The following PTPRD variants were observed in gnomAD, a reference collection of about 807,000 sequenced individuals.
PTPRD encodes the protein receptor-type tyrosine-protein phosphatase delta.
In PTPRD, 34 loss-of-function variants were observed where a neutral mutation model predicts 214.5. The observed-to-expected ratio is 0.16, with a 90% CI of 0.12 to 0.21. PTPRD has a LOEUF of 0.21. Among genes scored for constraint, PTPRD ranks in the 10% least tolerant of loss-of-function variants. PTPRD has a pLI of 1.00. For missense variants in PTPRD, 2,545 were observed against 2,398.7 expected, an observed-to-expected ratio of 1.06 and a Z score of -1.27; for synonymous variants, 1,128 against 845.7, an observed-to-expected ratio of 1.33 and a Z score of -5.79.
intron 14 of PTPRD, among the ~76,000 whole-genome samples, chr9:8,578,591 A>G (rs1470908832): frequency 6.6e-6 from 1 of 152,202 alleles, no homozygotes. Flanking sequence ...TCAGCCAGCT[A>G]TGACATAGAT....
intron 6 of PTPRD, among the ~76,000 whole-genome samples, chr9:9,756,822 C>A (rs1012092636): frequency 6.6e-5 from 10 of 152,120 alleles, no homozygotes; most frequent in African/African-American, 2.4e-4. Flanking sequence ...ATACTGCCTC[C>A]CATGTGGTTA....
At chr9:9,646,134 A>G (rs1383266278) in intron 7 of PTPRD, among the ~76,000 whole-genome samples, 1 of 152,174 alleles carries the variant, frequency 6.6e-6, no homozygotes, top group African/African-American at 2.4e-5. Context: ...TTGTGATAGT[A>G]TTCCCTCTGC....
chr9:9,545,516 G>T (rs996331220), intron 8 of PTPRD, among the ~76,000 whole-genome samples: 1 of 151,824 alleles, frequency 6.6e-6, no homozygotes, highest in African/African-American at 2.4e-5. Context: ...ACCTATTAAA[G>T]AACATCTTAA....
At chr9:9,678,641 G>T (rs574415366) in intron 7 of PTPRD, among the ~76,000 whole-genome samples, 2 of 151,644 alleles carry the variant, frequency 1.3e-5, no homozygotes, top group South Asian at 4.2e-4. Context: ...ACTATTCAGG[G>T]TTCTGTCTCG....
At chr9:10,025,685 A>ACCCACTTT (rs1353692562) in intron 4 of PTPRD, among the ~76,000 whole-genome samples, 4 of 152,094 alleles carry the variant, frequency 2.6e-5, no homozygotes, top group Admixed American at 2.6e-4. Context: ...TAAATCCCTC[A>ACCCACTTT]CCCACTTTTA....
chr9:10,474,560 T>A (rs1473863438), intron 2 of PTPRD, among the ~76,000 whole-genome samples: 1 of 152,020 alleles, frequency 6.6e-6, no homozygotes, highest in Non-Finnish European at 1.5e-5. Flanking sequence ...AACACCCCAC[T>A]GTCAATATTA....
In PTPRD at chr9:8,499,855, T is replaced by A. The variant is rs1165184778; in HGVS notation, c.2129-15A>T. On this transcript the variant is annotated splice_polypyrimidine_tract_variant and intron_variant, in intron 24 of 45. Coordinates refer to ENST00000381196, the MANE Select transcript of PTPRD (RefSeq NM_002839.4). ...ACCACTAGGAACTGGAACAACATCA[T>A]TGGATAAAAGAAATTATAGGCACTT... The A allele has an allele frequency of 1.3e-6, 2 of 1,592,124 alleles. No individual in the cohort carries two copies. The highest frequency in any genetic ancestry group is 1.7e-6 in the Non-Finnish European group (2 of 1,170,246).
At chr9:9,087,229 C>T (rs1329834210) in intron 10 of PTPRD, among the ~76,000 whole-genome samples, 1 of 152,060 alleles carries the variant, frequency 6.6e-6, no homozygotes, top group Admixed American at 6.6e-5. Flanking sequence ...ACAGATTTCC[C>T]CAGTTACCAA....
intron 27 of PTPRD, among the ~76,000 whole-genome samples, chr9:8,487,272 A>C (rs187830333): frequency 6.6e-6 from 1 of 152,306 alleles, no homozygotes; most frequent in African/African-American, 2.4e-5. Flanking sequence ...ATGAATACAT[A>C]ATTTATTTAC....
intron 11 of PTPRD, among the ~76,000 whole-genome samples, chr9:9,005,420 ATAAT>A (rs1041346456): frequency 2.0e-5 from 3 of 152,076 alleles, no homozygotes; most frequent in African/African-American, 7.2e-5. Context: ...GTTATTAATG[ATAAT>A]TAATTTATAA....
intron 8 of PTPRD, among the ~76,000 whole-genome samples, chr9:9,479,644 A>T (rs923948298): frequency 2.0e-5 from 3 of 152,178 alleles, no homozygotes; most frequent in Admixed American, 2.0e-4. Flanking sequence ...TCCAAATAAC[A>T]GAAATTATTT....
At chr9:8,988,885 T>C (rs2099355702) in intron 11 of PTPRD, among the ~76,000 whole-genome samples, 1 of 152,118 alleles carries the variant, frequency 6.6e-6, no homozygotes, top group Admixed American at 6.6e-5. Flanking sequence ...TCCTTAGAGA[T>C]ATCATTCAGA....
chr9:9,379,605 G>C (rs1323016783), intron 9 of PTPRD, among the ~76,000 whole-genome samples: 1 of 151,976 alleles, frequency 6.6e-6, no homozygotes, highest in Non-Finnish European at 1.5e-5. Flanking sequence ...GGATTGCATT[G>C]AATCTACAGA....
At chr9:8,577,116 A>G in intron 14 of PTPRD, among the ~76,000 whole-genome samples, 1 of 150,682 alleles carries the variant, frequency 6.6e-6, no homozygotes, top group Non-Finnish European at 1.5e-5. Flanking sequence ...CCTTTTTTCC[A>G]CTCTCCCCAC....
chr9:10,345,555 G>A (rs1285844800), intron 2 of PTPRD, among the ~76,000 whole-genome samples: 1 of 152,046 alleles, frequency 6.6e-6, no homozygotes, highest in Non-Finnish European at 1.5e-5. Context: ...TGAGAATGAT[G>A]GTTTCTAGCT....
At chr9:9,934,396 C>T (rs1198319119) in intron 5 of PTPRD, among the ~76,000 whole-genome samples, 2 of 142,068 alleles carry the variant, frequency 1.4e-5, no homozygotes, top group Non-Finnish European at 3.1e-5. Context: ...AAGGGGATAT[C>T]GCCACCGATC....
chr9:9,528,750 G>C (rs985173239), intron 8 of PTPRD, among the ~76,000 whole-genome samples: 10 of 151,422 alleles, frequency 6.6e-5, no homozygotes, highest in African/African-American at 2.4e-4. Flanking sequence ...TAAAAAGAAA[G>C]AAAGGAGGCT....
At chr9:10,411,041 T>A (rs2098429563) in intron 2 of PTPRD, among the ~76,000 whole-genome samples, 1 of 151,800 alleles carries the variant, frequency 6.6e-6, no homozygotes, top group Admixed American at 6.6e-5. Flanking sequence ...GCCTGGCACA[T>A]GCTAAGAGAT....
At chr9:9,834,168 T>C (rs1460634731) in intron 5 of PTPRD, among the ~76,000 whole-genome samples, 1 of 152,060 alleles carries the variant, frequency 6.6e-6, no homozygotes, top group African/African-American at 2.4e-5. Flanking sequence ...CATAAAATCT[T>C]CACAATCCAC....
Sources: allele counts gnomAD v4.1 joint callset (sites outside exome capture counted in the v4.1 genomes callset), GRCh38; gene constraint gnomAD v4.1.1; transcripts MANE v1.5; gene names NCBI Gene and HGNC (gene_info 2026-07-23, HGNC 2026-07-21).